The following SDAD1 variants were observed in gnomAD, a reference collection of about 807,000 sequenced individuals.
The protein encoded by SDAD1 is SDA1 domain containing 1, also known as protein SDA1 homolog.
A neutral mutation model predicts 100.3 loss-of-function variants in SDAD1; 79 were observed. That is an observed-to-expected ratio of 0.79 (90% CI 0.66 to 0.95). The LOEUF is 0.95. SDAD1 is among the 40% of genes least tolerant of loss of function. SDAD1 has a pLI of 0.00. For missense variants in SDAD1, 790 were observed against 810.9 expected (o/e 0.97, Z 0.31); for synonymous variants, 267 against 271.4 (o/e 0.98, Z 0.16).
chr4:75,990,918 T>G lies in SDAD1; in HGVS notation c.-77A>C, dbSNP rs531837660. Reference sequence around the variant, plus strand: ...CCGGCACCCCGCAATCCCTGCCAGCTGCAGCTTGGACTCGTGTTTCCGGGT... The same window carrying G: ...CCGGCACCCCGCAATCCCTGCCAGCGGCAGCTTGGACTCGTGTTTCCGGGT... On this transcript the variant is annotated 5_prime_UTR_variant, in exon 1 of 22. Transcript: ENST00000356260. 5.1e-6 allele frequency: 8 copies of G among 1,568,894 alleles called. No homozygotes were observed. The highest frequency in any genetic ancestry group is 2.7e-5 in the African/African-American group (2 of 74,068).
intron 1 of SDAD1, among the ~76,000 whole-genome samples, chr4:75,985,203 G>T (rs533354052): frequency 1.2e-4 from 19 of 152,076 alleles, no homozygotes; most frequent in South Asian, 4.2e-4. Flanking sequence ...CACCACAAGA[G>T]CCCAGTATTC....
chr4:75,977,780 A>G (rs771446875), intron 3 of SDAD1, 24 bp from the exon 4 acceptor site: 13 of 1,392,586 alleles, frequency 9.3e-6, no homozygotes, highest in South Asian at 7.1e-5. Flanking sequence ...AAAACATACC[A>G]TAAGACAATG....
At chr4:75,966,511 A>G (rs1729553740) in intron 12 of SDAD1, among the ~76,000 whole-genome samples, 1 of 152,176 alleles carries the variant, frequency 6.6e-6, no homozygotes, top group Admixed American at 6.5e-5. Context: ...TGCTTGGTCC[A>G]TGTTAGATAC....
At chr4:75,972,572 T>C (rs535119658) in intron 8 of SDAD1, among the ~76,000 whole-genome samples, 1 of 151,998 alleles carries the variant, frequency 6.6e-6, no homozygotes, top group Admixed American at 6.6e-5. Context: ...TAAAATGTAT[T>C]AGTCATATAC....
In SDAD1 at chr4:75,975,728, AAT is replaced by A; in HGVS notation, c.578+14_578+15del. The A allele has an allele frequency of 6.4e-7, 1 of 1,562,490 alleles. No individual in the cohort carries two copies. Among genetic ancestry groups the A allele is most frequent in the Non-Finnish European group, 8.8e-7 (1 of 1,135,112 alleles). On this transcript the variant is annotated intron_variant, in intron 6 of 21. Transcript: ENST00000356260. Reference sequence around the variant, plus strand: ...AAAAGAGTCTACTTCTCAAGAGACAAATATATATACACTACCAGATGTTCCTT... The same window carrying A: ...AAAAGAGTCTACTTCTCAAGAGACAAATATATACACTACCAGATGTTCCTT...
intron 6 of SDAD1, among the ~76,000 whole-genome samples, chr4:75,974,384 T>C (rs1038282019): frequency 2.1e-5 from 3 of 139,776 alleles, no homozygotes; most frequent in African/African-American, 8.1e-5. Flanking sequence ...TTTAATGACG[T>C]AGGAAGCTAG....
chr4:75,959,527 C>T (rs543859961), intron 17 of SDAD1, among the ~76,000 whole-genome samples: 1 of 152,124 alleles, frequency 6.6e-6, no homozygotes, highest in Admixed American at 6.5e-5. Flanking sequence ...TCGCTTGAAC[C>T]TGGGAGATGG....
At chr4:75,979,915 C>T (rs924617313) in intron 3 of SDAD1, among the ~76,000 whole-genome samples, 1 of 152,038 alleles carries the variant, frequency 6.6e-6, no homozygotes, top group African/African-American at 2.4e-5. Context: ...GCTCATACCA[C>T]ACCTCAGCCT....
intron 3 of SDAD1, among the ~76,000 whole-genome samples, chr4:75,978,388 G>C (rs1730281883): frequency 6.7e-6 from 1 of 148,718 alleles, no homozygotes. Flanking sequence ...TTAAGAGATA[G>C]AGTCTCATTA....
At position 75,964,205 on chromosome 4, in the gene SDAD1, G is replaced by T. The variant is rs748818656; in HGVS notation, c.1111C>A (p.Gln371Lys). Residue 371 changes from glutamine (Q) to lysine (K), a missense_variant, in exon 14 of 22, where the codon CAA becomes AAA. By Grantham distance (53) the Gln-to-Lys change is moderately conservative. Transcript: ENST00000356260. ...SHHLVPPEII[Q>K]SLLMTVANNF... Reference sequence around the variant, plus strand: ...TTTGCCACAGTCATAAGCAATGATTGAATAATCTGAATTGGAAACAAAAAA... The same window carrying T: ...TTTGCCACAGTCATAAGCAATGATTTAATAATCTGAATTGGAAACAAAAAA... The T allele has an allele frequency of 1.2e-6, 2 of 1,602,786 alleles. No homozygotes were observed. The highest frequency in any genetic ancestry group is 2.3e-5 in the East Asian group (1 of 44,410).
chr4:75,956,930 C>T (rs1728930228), intron 20 of SDAD1, among the ~76,000 whole-genome samples: 2 of 152,028 alleles, frequency 1.3e-5, no homozygotes, highest in Admixed American at 6.5e-5. Context: ...GCCAACATGG[C>T]GAAACCTTGA....
chr4:75,989,222 T>TC (rs569560540), intron 1 of SDAD1, among the ~76,000 whole-genome samples: 158 of 152,346 alleles, frequency 1.0e-3, no homozygotes, highest in African/African-American at 3.6e-3. Flanking sequence ...CTGCTTTTTT[T>TC]CCACCAGTAG....
In SDAD1 at chr4:75,957,501, T is replaced by C; in HGVS notation, c.1769+17A>G. 1 of 1,613,428 alleles carries C rather than the reference T, an allele frequency of 6.2e-7. No homozygotes were observed. The highest frequency in any genetic ancestry group is 8.5e-7 in the Non-Finnish European group (1 of 1,179,402). ...ACATGAGCTGACTGAAGTACTAAAG[T>C]GGATGTGCCATTTTACCTGGGCTCT... On this transcript the variant is annotated intron_variant, in intron 19 of 21. Transcript: ENST00000356260.
At position 75,990,805 on chromosome 4, in the gene SDAD1, G is replaced by C. The variant is rs777692427; in HGVS notation, c.37C>G (p.Leu13Val). Residue 13 changes from leucine (L) to valine (V), a missense_variant, in exon 1 of 22, where the codon CTG becomes GTG. By Grantham distance (32) the Leu-to-Val change is conservative. Transcript: ENST00000356260. ...NRNNNKLPSN[L>V]PQLQNLIKRD... ...TTGATTAGATTCTGTAACTGCGGCA[G>C]GTTGCTGGGAAGCTTGTTGTTGTTT... 4 of 1,614,200 alleles carry C rather than the reference G, an allele frequency of 2.5e-6. No homozygotes were observed. In the Admixed American group the frequency reaches 5.0e-5, roughly 20 times the overall value.
intron 3 of SDAD1, 142 bp downstream of exon 3, chr4:75,981,230 A>T: frequency 1.3e-6 from 1 of 754,612 alleles, no homozygotes; most frequent in Non-Finnish European, 2.1e-6. Flanking sequence ...GAGAAGCCAT[A>T]GAAGGATTTT....
chr4:75,958,590 T>C (rs964993208), intron 17 of SDAD1, among the ~76,000 whole-genome samples: 3 of 152,204 alleles, frequency 2.0e-5, no homozygotes, highest in African/African-American at 4.8e-5. Flanking sequence ...CTCTTTTGTC[T>C]GGCATATACA....
At chr4:75,962,424 T>C (rs1190406124) in intron 14 of SDAD1, among the ~76,000 whole-genome samples, 1 of 152,254 alleles carries the variant, frequency 6.6e-6, no homozygotes, top group Non-Finnish European at 1.5e-5. Context: ...AGTTATGGGA[T>C]GGCTGGGTCA....
chr4:75,957,790 C>G lies in SDAD1; in HGVS notation c.1578+57G>C. 2 of 1,611,902 alleles carry G rather than the reference C, an allele frequency of 1.2e-6. 1 individual carries two copies. The highest frequency in any genetic ancestry group is 1.7e-6 in the Non-Finnish European group (2 of 1,177,984). The stretch of plus-strand genomic sequence containing the variant: ...TAAATTGTAGCCTCCCAACAAGGCC[C>G]AGAATAAATTACGTCTTAATAAACA... On this transcript the variant is annotated intron_variant, in intron 18 of 21. Transcript: ENST00000356260.
At chr4:75,959,114 A>AAAAC (rs1729080465) in intron 17 of SDAD1, among the ~76,000 whole-genome samples, 1 of 147,840 alleles carries the variant, frequency 6.8e-6, no homozygotes, top group African/African-American at 2.5e-5. Context: ...AAAAAAAAAA[A>AAAAC]AAAAAAAAAA....
Sources: allele counts gnomAD v4.1 joint callset (sites outside exome capture counted in the v4.1 genomes callset), GRCh38; gene constraint gnomAD v4.1.1; transcripts MANE v1.5; gene names NCBI Gene and HGNC (gene_info 2026-07-23, HGNC 2026-07-21).